KCNK4: variants seen among roughly 807,000 people sequenced by gnomAD.
The protein encoded by KCNK4 is potassium channel subfamily K member 4.
KCNK4 carries 22 observed loss-of-function variants against 28.8 expected under a neutral mutation model. The observed-to-expected ratio is 0.76, with a 90% confidence interval of 0.55 to 1.09. The LOEUF is 1.09. KCNK4 is among the 50% of genes least tolerant of loss of function. The probability of loss-of-function intolerance (pLI) is 0.00; values close to 1 mark genes in which losing one functional copy is unlikely to be tolerated. For synonymous variants in KCNK4, 263 were observed against 252.9 expected, an observed-to-expected ratio of 1.04 and a Z score of -0.38; for missense variants, 483 against 546.3, an observed-to-expected ratio of 0.88 and a Z score of 1.15.
chr11:64,297,361 C>A, intron 4 of KCNK4, 82 bp downstream of exon 4: 1 of 1,574,504 alleles, frequency 6.4e-7, no homozygotes, highest in South Asian at 1.2e-5. Flanking sequence ...AGCGCGCCCC[C>A]AAAGACCATA....
At position 64,299,336 on chromosome 11, in the gene KCNK4, C is replaced by T. The variant is rs1425636424; in HGVS notation, c.802-10C>T. Reference sequence around the variant, plus strand: ...CCTCTAGTCGAGGGCTGCTTTCCCTCTCCGTGCAGATGGGCGGCCTCACGG... The same window carrying T: ...CCTCTAGTCGAGGGCTGCTTTCCCTTTCCGTGCAGATGGGCGGCCTCACGG... On this transcript the variant is annotated splice_polypyrimidine_tract_variant and intron_variant, in intron 6 of 6. Transcript: ENST00000422670. 15 of 1,532,260 alleles carry T rather than the reference C, an allele frequency of 9.8e-6. No individual in the cohort carries two copies. Among genetic ancestry groups the T allele is most frequent in the Admixed American group, 2.0e-5 (1 of 50,514 alleles). 94.9% of individuals were successfully genotyped at this position (1,532,260 alleles called of 1,614,324 possible).
chr11:64,293,244 C>T (rs1296479590), intron 2 of KCNK4, 37 bp downstream of exon 2: 2 of 1,417,928 alleles, frequency 1.4e-6, no homozygotes, highest in Non-Finnish European at 1.9e-6. Flanking sequence ...AGCTGTCACC[C>T]ATCACCCCTG....
In KCNK4 at chr11:64,293,150, G is replaced by C; in HGVS notation, c.132G>C (p.Glu44Asp). ...AGAGGGAGCTGGGGGAGGTCCGAGA[G>C]AAGTTCCTGAGGGCCCATCCGTGTG... ...QAQRELGEVR[E>D]KFLRAHPCVS... Residue 44 changes from glutamate to aspartate, a missense_variant, in exon 2 of 7, where the codon GAG becomes GAC. Coordinates refer to ENST00000422670, the MANE Select transcript of KCNK4 (RefSeq NM_033310.3). 3 of 1,535,248 alleles carry C rather than the reference G, an allele frequency of 2.0e-6. No homozygotes were observed. The highest frequency in any genetic ancestry group is 2.6e-6 in the Non-Finnish European group (3 of 1,138,476).
Position 64,296,908 on chromosome 11 carries a change from G to A in KCNK4, c.220G>A (p.Asp74Asn), listed in dbSNP as rs746983974. ...GGCTGATGCCCTGGGAGGGGGTGCG[G>A]ACCCAGAAACCAACTCGACCAGCAA... ...EVADALGGGADPETNSTSNSS... is the reference protein window; with the variant it reads ...EVADALGGGANPETNSTSNSS... The change falls in exon 3 of 7, where the codon GAC becomes AAC. Residue 74 changes from aspartate (D) to asparagine (N), a missense_variant. Physicochemically the swap from Asp to Asn is conservative, Grantham distance 23. Coordinates refer to ENST00000422670, the MANE Select transcript of KCNK4 (RefSeq NM_033310.3). 3.3e-6 allele frequency: 5 copies of A among 1,511,336 alleles called. No individual in the cohort carries two copies. The highest frequency in any genetic ancestry group is 4.6e-5 in the Admixed American group (2 of 43,076). 93.6% of individuals were successfully genotyped at this position (1,511,336 alleles called of 1,614,324 possible).
In KCNK4 at chr11:64,298,134, C is replaced by A. The variant is rs146535799; in HGVS notation, c.686C>A (p.Pro229Gln). ...VAGADPRQDS[P>Q]AYQPLVWFWI... ...GGCGCGGACCCCAGGCAGGACTCCCCGGCCTATCAGCCGCTGGTGTGGTTC... is the reference window on the plus strand; with the variant it reads ...GGCGCGGACCCCAGGCAGGACTCCCAGGCCTATCAGCCGCTGGTGTGGTTC... Residue 229 changes from proline to glutamine, a missense_variant, in exon 6 of 7, where the codon CCG becomes CAG. Physicochemically the swap from Pro to Gln is moderately conservative, Grantham distance 76. Transcript: ENST00000422670. The A allele has an allele frequency of 1.3e-4, 207 of 1,613,772 alleles. 3 individuals carry two copies. In the East Asian group the frequency reaches 4.0e-3, roughly 31 times the overall value.
At position 64,297,614 on chromosome 11, in the gene KCNK4, G is replaced by A. The variant is rs1372292076; in HGVS notation, c.622G>A (p.Val208Met). 1.2e-6 allele frequency: 2 copies of A among 1,613,928 alleles called. No homozygotes were observed. The highest frequency in any genetic ancestry group is 1.7e-6 in the Non-Finnish European group (2 of 1,179,848). ...GCTGGAGGCCATCTACTTTGTCATA[G>A]TGACGCTTACCACCGTGGGCTTTGG... is the stretch of plus-strand genomic sequence containing the variant. ...SKLEAIYFVI[V>M]TLTTVGFGDY... Residue 208 changes from valine (V) to methionine (M), a missense_variant, in exon 5 of 7, where the codon GTG becomes ATG. Transcript: ENST00000422670.
At position 64,299,564 on chromosome 11, in the gene KCNK4, C is replaced by G. The variant is rs1565370870; in HGVS notation, c.1020C>G (p.Pro340=). Residue 340 remains proline (P), a synonymous_variant, in exon 7 of 7, where the codon CCC becomes CCG. Transcript: ENST00000422670. The part of the protein sequence containing the change: ...SPPTASALDY[P]SENLAFIDES... ...CCACGGCCTCGGCCCTGGATTATCC[C>G]AGCGAGAACCTGGCCTTCATCGACG... 6.2e-7 allele frequency: 1 copy of G among 1,610,532 alleles called. No homozygotes were observed. The highest frequency in any genetic ancestry group is 8.5e-7 in the Non-Finnish European group (1 of 1,179,058).
In KCNK4 at chr11:64,293,026, G is replaced by A. The variant is rs1166353445; in HGVS notation, c.8G>A (p.Ser3Asn). 6.5e-7 allele frequency: 1 copy of A among 1,545,904 alleles called. No individual in the cohort carries two copies. MR[S>N]TTLLALLALV... ...CCGGCGCCTGGGCGCGCCATGCGCAGCACCACGCTCCTGGCCCTGCTGGCG... is the reference window on the plus strand; with the variant it reads ...CCGGCGCCTGGGCGCGCCATGCGCAACACCACGCTCCTGGCCCTGCTGGCG... Residue 3 changes from serine (S) to asparagine (N), a missense_variant, in exon 2 of 7, where the codon AGC (serine) becomes AAC (asparagine). Ser to Asn is a conservative substitution (Grantham distance 46). Coordinates refer to ENST00000422670, the MANE Select transcript of KCNK4 (RefSeq NM_033310.3).
intron 1 of KCNK4, chr11:64,292,718 T>G: frequency 3.1e-6 from 1 of 321,276 alleles, no homozygotes; most frequent in Non-Finnish European, 5.4e-6. Context: ...GGTGCCCTCC[T>G]CTCTTTCCTC....
At position 64,297,217 on chromosome 11, in the gene KCNK4, G is replaced by A; in HGVS notation, c.412G>A (p.Val138Ile). The A allele has an allele frequency of 6.2e-7, 1 of 1,614,130 alleles. No homozygotes were observed. The highest frequency in any genetic ancestry group is 1.3e-5 in the African/African-American group (1 of 75,044). The part of the protein sequence containing the change: ...IPLFGILLAG[V>I]GDRLGSSLRH... ...GCTGTTTGGGATCCTACTGGCAGGG[G>A]TCGGGGACCGGCTGGGCTCCTCCCT... Residue 138 changes from valine to isoleucine, a missense_variant, in exon 4 of 7, where the codon GTC becomes ATC. Physicochemically the swap from Val to Ile is conservative, Grantham distance 29. Transcript: ENST00000422670.
In KCNK4 at chr11:64,299,543, G is replaced by C. The variant is rs747576337; in HGVS notation, c.999G>C (p.Thr333=). The change falls in exon 7 of 7, where the codon ACG becomes ACC. Residue 333 remains threonine (T), a synonymous_variant. Transcript: ENST00000422670. ...AGGCTCAGCCGCCTTCCCCGCCCAC[G>C]GCCTCGGCCCTGGATTATCCCAGCG... The part of the protein sequence containing the change: ...PEKAQPPSPP[T]ASALDYPSEN... The C allele has an allele frequency of 1.2e-6, 2 of 1,609,188 alleles. No homozygotes were observed. Among genetic ancestry groups the C allele is most frequent in the Admixed American group, 1.7e-5 (1 of 59,820 alleles).
intron 1 of KCNK4, chr11:64,291,939 C>A (rs1244611464): frequency 1.2e-6 from 1 of 819,936 alleles, no homozygotes; most frequent in South Asian, 2.2e-5. Context: ...TCCGAGGCGT[C>A]GCTGTGCGGA....
chr11:64,299,058 A>C (rs2034852441), intron 6 of KCNK4, among the ~76,000 whole-genome samples: 1 of 151,048 alleles, frequency 6.6e-6, no homozygotes, highest in African/African-American at 2.4e-5. Context: ...AAGAAAAAAA[A>C]AAAAAAAAAA....
chr11:64,293,687 G>A (rs1333280980), intron 2 of KCNK4, among the ~76,000 whole-genome samples: 1 of 151,834 alleles, frequency 6.6e-6, no homozygotes, highest in Non-Finnish European at 1.5e-5. Context: ...AGCAACCTCC[G>A]CCTCCCAGAC....
At position 64,299,677 on chromosome 11, in the gene KCNK4, T is replaced by TGCGGCCCC. The variant is rs1300819296; in HGVS notation, c.1143_1150dup (p.Gly384AlafsTer37). The TGCGGCCCC allele has an allele frequency of 1.3e-6, 2 of 1,595,482 alleles. No homozygotes were observed. Among genetic ancestry groups the TGCGGCCCC allele is most frequent in the Non-Finnish European group, 1.7e-6 (2 of 1,172,280 alleles). On this transcript the variant is annotated frameshift_variant, in exon 7 of 7. Transcript: ENST00000422670. LOFTEE classifies it high-confidence loss of function. ...CGCCCAAATCCCCCCAGGAAGCCCG[T>TGCGGCCCC]GCGGCCCCGCGGCCCCGGGCGTCCC...
intron 6 of KCNK4, among the ~76,000 whole-genome samples, chr11:64,298,920 A>G (rs2034846975): frequency 6.6e-6 from 1 of 151,714 alleles, no homozygotes; most frequent in East Asian, 1.9e-4. Flanking sequence ...GGGCGCCTGT[A>G]ATCCAAGCTA....
rs2034873692 is a variant in KCNK4, at chr11:64,299,556, G to A, written c.1012G>A (p.Asp338Asn). 1 of 1,610,608 alleles carries A rather than the reference G, an allele frequency of 6.2e-7. No homozygotes were observed. Among genetic ancestry groups the A allele is most frequent in the Non-Finnish European group, 8.5e-7 (1 of 1,179,058 alleles). The change falls in exon 7 of 7, where the codon GAT becomes AAT. Residue 338 changes from aspartate (D) to asparagine (N), a missense_variant. Asp to Asn is a conservative substitution (Grantham distance 23, BLOSUM62 1). Coordinates refer to ENST00000422670, the MANE Select transcript of KCNK4 (RefSeq NM_033310.3). ...PPSPPTASALDYPSENLAFID... is the reference protein window; with the variant it reads ...PPSPPTASALNYPSENLAFID... ...TTCCCCGCCCACGGCCTCGGCCCTG[G>A]ATTATCCCAGCGAGAACCTGGCCTT...
Position 64,299,366 on chromosome 11 carries a change from G to C in KCNK4, c.822G>C (p.Gln274His). The change falls in exon 7 of 7, where the codon CAG becomes CAC. Residue 274 changes from glutamine to histidine, a missense_variant. Coordinates refer to ENST00000422670, the MANE Select transcript of KCNK4 (RefSeq NM_033310.3). ...TRAEMGGLTA[Q>H]AASWTGTVTA... is the part of the protein sequence containing the mutation. Reference sequence around the variant, plus strand: ...TGCAGATGGGCGGCCTCACGGCTCAGGCTGCCAGCTGGACTGGCACGGTGA... The same window carrying C: ...TGCAGATGGGCGGCCTCACGGCTCACGCTGCCAGCTGGACTGGCACGGTGA... 1 of 1,567,812 alleles carries C rather than the reference G, an allele frequency of 6.4e-7. No homozygotes were observed. The highest frequency in any genetic ancestry group is 2.4e-5 in the East Asian group (1 of 41,812).
intron 1 of KCNK4, chr11:64,292,132 G>C: frequency 1.0e-6 from 1 of 990,046 alleles, no homozygotes; most frequent in Non-Finnish European, 1.2e-6. Context: ...CGTGCGTGCA[G>C]CGGGGCGGCG....
Sources: allele counts gnomAD v4.1 joint callset (sites outside exome capture counted in the v4.1 genomes callset), GRCh38; gene constraint gnomAD v4.1.1; transcripts MANE v1.5; gene names NCBI Gene and HGNC (gene_info 2026-07-23, HGNC 2026-07-21).